ABL2: variants seen among roughly 807,000 people sequenced by gnomAD.
ABL2 encodes the protein ABL proto-oncogene 2, non-receptor tyrosine kinase, also known as tyrosine-protein kinase ABL2.
Under a neutral mutation model 107.7 loss-of-function variants are expected in ABL2, and 49 were observed. That is an observed-to-expected ratio of 0.45 (90% CI 0.36 to 0.58). The LOEUF (loss-of-function observed/expected upper bound fraction) is 0.58. Among genes scored for constraint, ABL2 ranks in the 20% least tolerant of loss-of-function variants. The probability of loss-of-function intolerance (pLI) is 0.00; values close to 1 mark genes in which losing one functional copy is unlikely to be tolerated. For missense variants in ABL2, 1,245 were observed against 1,457.0 expected (o/e 0.85, Z 2.37); for synonymous variants, 549 against 548.6 (o/e 1.00, Z -0.01).
intron 1 of ABL2, among the ~76,000 whole-genome samples, chr1:179,151,815 G>A (rs1658377830): frequency 6.6e-6 from 1 of 152,128 alleles, no homozygotes; most frequent in Non-Finnish European, 1.5e-5. Flanking sequence ...GTAGCATTGA[G>A]CTTTGGAGGA....
chr1:179,169,075 T>C (rs1035930212), intron 1 of ABL2, among the ~76,000 whole-genome samples: 1 of 152,064 alleles, frequency 6.6e-6, no homozygotes, highest in African/African-American at 2.4e-5. Flanking sequence ...GAATTAGAAT[T>C]TTCTCCCATT....
At chr1:179,159,413 T>C (rs1415786234) in intron 1 of ABL2, among the ~76,000 whole-genome samples, 3 of 152,204 alleles carry the variant, frequency 2.0e-5, no homozygotes, top group East Asian at 3.8e-4. Context: ...TTGGCTCAAA[T>C]ATACTGACAT....
chr1:179,102,499 C>T lies in ABL2; in HGVS notation c.*5219G>A, dbSNP rs1346953541. ...TACAAGCTAAGACAGAGACACAAAC[C>T]GCTGAAGCCTATCAATACTTAAGCC... is the stretch of plus-strand genomic sequence containing the variant. On this transcript the variant is annotated 3_prime_UTR_variant, in exon 12 of 12. Coordinates refer to ENST00000502732, the MANE Select transcript of ABL2 (RefSeq NM_007314.4). The T allele has an allele frequency of 2.2e-5, 5 of 226,548 alleles. No individual in the cohort carries two copies. Among genetic ancestry groups the T allele is most frequent in the Non-Finnish European group, 3.5e-5 (4 of 114,004 alleles). The allele number at this position is 226,548 out of a possible 1,614,324, so 14.0% of individuals were successfully genotyped here.
chr1:179,132,871 AC>A (rs1199826312), intron 2 of ABL2, among the ~76,000 whole-genome samples: 1 of 147,240 alleles, frequency 6.8e-6, no homozygotes, highest in Non-Finnish European at 1.5e-5. Flanking sequence ...CCCCTCTCCC[AC>A]CACCGAGATG....
Position 179,103,905 on chromosome 1 carries a change from CA to C in ABL2, c.*3812del. ...TCTGCTAGTTTCTTAATCTATAAAC[CA>C]AAGGGTTGGGGTACTGATAGTTTTC... On this transcript the variant is annotated 3_prime_UTR_variant, in exon 12 of 12. Transcript: ENST00000502732. The C allele has an allele frequency of 4.3e-6, 1 of 232,532 alleles. No individual in the cohort carries two copies. The highest frequency in any genetic ancestry group is 8.5e-6 in the Non-Finnish European group (1 of 117,298). 14.4% of individuals were successfully genotyped at this position (232,532 alleles called of 1,614,324 possible).
intron 1 of ABL2, among the ~76,000 whole-genome samples, chr1:179,134,142 A>G (rs1557940299): frequency 6.6e-6 from 1 of 152,244 alleles, no homozygotes; most frequent in Non-Finnish European, 1.5e-5. Flanking sequence ...CAAAAGTTAC[A>G]TAGTATGTGT....
At chr1:179,178,635 A>T (rs1260019801) in intron 1 of ABL2, among the ~76,000 whole-genome samples, 1 of 152,088 alleles carries the variant, frequency 6.6e-6, no homozygotes, top group Non-Finnish European at 1.5e-5. Context: ...CATGCCTGTA[A>T]TTCCAGCACT....
At position 179,229,632 on chromosome 1, in the gene ABL2, A is replaced by ACGCCGCCGCCGCCGCCGCCGCCGCCGC. The variant is rs3046363; in HGVS notation, c.-236_-235insGCGGCGGCGGCGGCGGCGGCGGCGGCG. 5.3e-5 allele frequency: 24 copies of ACGCCGCCGCCGCCGCCGCCGCCGCCGC among 451,820 alleles called. No individual in the cohort carries two copies. Among genetic ancestry groups the ACGCCGCCGCCGCCGCCGCCGCCGCCGC allele is most frequent in the African/African-American group, 4.2e-4 (19 of 45,606 alleles). The allele number at this position is 451,820 out of a possible 1,614,324, so 28.0% of individuals were successfully genotyped here. A position where few individuals can be genotyped will look rare whatever the true frequency, so the allele number is the denominator to read the frequency against. On this transcript the variant is annotated 5_prime_UTR_variant, in exon 1 of 12. Coordinates refer to ENST00000502732, the MANE Select transcript of ABL2 (RefSeq NM_007314.4). ...CTCCTGTCGCGGCTCCGCGCCCCCA[A>ACGCCGCCGCCGCCGCCGCCGCCGCCGC]CGCCGCCGCCGCCGCCGCCGCCACC...
At position 179,102,846 on chromosome 1, in the gene ABL2, GA is replaced by G. The variant is rs1390846402; in HGVS notation, c.*4871del. 1.8e-5 allele frequency: 4 copies of G among 224,204 alleles called. No homozygotes were observed. Among genetic ancestry groups the G allele is most frequent in the Admixed American group, 5.7e-5 (1 of 17,436 alleles). 13.9% of individuals were successfully genotyped at this position (224,204 alleles called of 1,614,324 possible). On this transcript the variant is annotated 3_prime_UTR_variant, in exon 12 of 12. Coordinates refer to ENST00000502732, the MANE Select transcript of ABL2 (RefSeq NM_007314.4). ...AATTCAGCTATTCTTTTTAGAAAAA[GA>G]AAAAAAAGATGACAAATGTCAATGT...
At position 179,110,430 on chromosome 1, in the gene ABL2, G is replaced by A. The variant is rs151170340; in HGVS notation, c.1677C>T (p.Ala559=). Residue 559 remains alanine, a synonymous_variant, in exon 11 of 12, where the codon GCC becomes GCT. Transcript: ENST00000502732. The part of the protein sequence containing the change: ...SEEVAEELGR[A]ASSSSVVPYL... ...ATGGAACAACAGATGACGAGGAGGC[G>A]GCTCTCCCAAGCTCCTCAGCTACCT... 4.3e-6 allele frequency: 7 copies of A among 1,613,706 alleles called. No individual in the cohort carries two copies. The highest frequency in any genetic ancestry group is 3.3e-5 in the Admixed American group (2 of 59,898).
At chr1:179,139,311 A>G (rs1399313874) in intron 1 of ABL2, among the ~76,000 whole-genome samples, 1 of 152,012 alleles carries the variant, frequency 6.6e-6, no homozygotes, top group Non-Finnish European at 1.5e-5. Context: ...GCGCTACCTT[A>G]AGAGCTGTAA....
intron 1 of ABL2, among the ~76,000 whole-genome samples, chr1:179,172,238 G>A (rs1000658372): frequency 2.0e-5 from 3 of 152,162 alleles, no homozygotes; most frequent in Non-Finnish European, 4.4e-5. Context: ...TATAAAGGAG[G>A]CCTTGATTGG....
At chr1:179,122,276 TAAAAAAAA>T (rs34338293) in intron 4 of ABL2, among the ~76,000 whole-genome samples, 1 of 126,800 alleles carries the variant, frequency 7.9e-6, no homozygotes, top group African/African-American at 3.0e-5. Flanking sequence ...AGGCTATCTT[TAAAAAAAA>T]AAAAAAAAAA....
Position 179,107,356 on chromosome 1 carries a change from C to A in ABL2, c.*362G>T, listed in dbSNP as rs976183335. On this transcript the variant is annotated 3_prime_UTR_variant, in exon 12 of 12. Transcript: ENST00000502732. The stretch of plus-strand genomic sequence containing the variant: ...ATTAGTACCTACCAGAGCCCCAGGT[C>A]TGGGTGCAGCTGCTGCAGTCTTGCT... 7 of 274,254 alleles carry A rather than the reference C, an allele frequency of 2.6e-5. No homozygotes were observed. Among genetic ancestry groups the A allele is most frequent in the Non-Finnish European group, 4.9e-5 (7 of 143,148 alleles). 17.0% of individuals were successfully genotyped at this position (274,254 alleles called of 1,614,324 possible).
chr1:179,123,317 C>T (rs990328744), intron 4 of ABL2, among the ~76,000 whole-genome samples: 1 of 151,858 alleles, frequency 6.6e-6, no homozygotes, highest in Non-Finnish European at 1.5e-5. Context: ...CCAGCTTGGC[C>T]ATCATGGTGA....
intron 1 of ABL2, among the ~76,000 whole-genome samples, chr1:179,211,079 A>C (rs1241022228): frequency 7.9e-5 from 12 of 152,158 alleles, no homozygotes; most frequent in Admixed American, 2.6e-4. Flanking sequence ...AGGAAACAGA[A>C]GACTTGAAAC....
intron 1 of ABL2, among the ~76,000 whole-genome samples, chr1:179,150,207 G>A (rs1005166320): frequency 6.6e-6 from 1 of 152,146 alleles, no homozygotes; most frequent in Non-Finnish European, 1.5e-5. Context: ...ACTCCAGCCT[G>A]GGCAGCAAAG....
chr1:179,110,474 G>T lies in ABL2; in HGVS notation c.1652-19C>A, dbSNP rs374561581. The T allele has an allele frequency of 1.0e-4, 158 of 1,584,086 alleles. No homozygotes were observed. The highest frequency in any genetic ancestry group is 1.2e-4 in the Non-Finnish European group (140 of 1,170,674). Reference sequence around the variant, plus strand: ...GCTACCTCTGTGAGGAAGACAAGGGGACCAATAAAAAGAACAATTTCATAG... The same window carrying T: ...GCTACCTCTGTGAGGAAGACAAGGGTACCAATAAAAAGAACAATTTCATAG... On this transcript the variant is annotated intron_variant, in intron 10 of 11. Transcript: ENST00000502732.
intron 1 of ABL2, among the ~76,000 whole-genome samples, chr1:179,171,017 T>TA (rs548403580): frequency 6.6e-6 from 1 of 152,148 alleles, no homozygotes; most frequent in Non-Finnish European, 1.5e-5. Flanking sequence ...ATACCTTTCT[T>TA]AAAAAAATAA....
Sources: gnomAD v4.1 joint callset for allele counts (sites outside exome capture counted in the v4.1 genomes callset) on GRCh38, gnomAD v4.1.1 for gene constraint, MANE v1.5 for transcripts, NCBI Gene and HGNC (gene_info 2026-07-23, HGNC 2026-07-21) for gene names.